CAST: variants seen among roughly 807,000 people sequenced by gnomAD.
The protein encoded by CAST is calpastatin, also known as MIR583 host.
In CAST, 76 loss-of-function variants were observed where a neutral mutation model predicts 119.6. The observed-to-expected ratio is 0.64, with a 90% CI of 0.53 to 0.77. The LOEUF (loss-of-function observed/expected upper bound fraction) is 0.77, where lower values mean the gene tolerates loss of function less well. CAST is among the 30% of genes least tolerant of loss of function. The pLI is 0.00. For synonymous variants in CAST, 319 were observed against 331.6 expected (o/e 0.96, Z 0.41); for missense variants, 953 against 946.5 (o/e 1.01, Z -0.09).
chr5:96,188,291 C>T, the CAST span, among the ~76,000 whole-genome samples: 77,549 of 151,922 alleles, frequency 0.51, 21,198 homozygotes, highest in African/African-American at 0.7. Context: ...ATCTCATTCT[C>T]CTGAGTTAAA....
At chr5:96,138,689 C>T in the CAST span, among the ~76,000 whole-genome samples, 1 of 151,924 alleles carries the variant, frequency 6.6e-6, no homozygotes, top group East Asian at 1.9e-4. Context: ...TGTATATATA[C>T]ATAAGTATTT....
chr5:96,702,307 C>T (rs1754007605), intron 3 of CAST, among the ~76,000 whole-genome samples: 1 of 152,182 alleles, frequency 6.6e-6, no homozygotes, highest in South Asian at 2.1e-4. Flanking sequence ...AGTATAGACT[C>T]ATGAATTTAT....
the CAST span, among the ~76,000 whole-genome samples, chr5:96,154,543 T>G: frequency 3.3e-5 from 5 of 152,200 alleles, no homozygotes; most frequent in East Asian, 9.6e-4. Flanking sequence ...AACTAAAGTC[T>G]ACACTATATC....
chr5:96,606,170 CA>C (rs1226116399), intron 1 of CAST, among the ~76,000 whole-genome samples: 12 of 146,304 alleles, frequency 8.2e-5, no homozygotes, highest in East Asian at 2.0e-4. Context: ...ACAACAACAA[CA>C]AAAAAAAAAC....
In CAST at chr5:96,754,666, C is replaced by T. The variant is rs2150603637; in HGVS notation, c.1635C>T (p.Ala545=). ...KPVMDKVKEK[A]KEEDREKLGE... is the part of the protein sequence containing the mutation. ...GGTATAATTTTTCTCAGGAGAAGGC[C>T]AAAGAAGAAGACCGTGAAAAGCTTG... Residue 545 remains alanine (A), a synonymous_variant, in exon 22 of 32, where the codon GCC becomes GCT. Transcript: ENST00000675179. 1.3e-6 allele frequency: 2 copies of T among 1,598,122 alleles called. No homozygotes were observed. Among genetic ancestry groups the T allele is most frequent in the Non-Finnish European group, 1.7e-6 (2 of 1,169,202 alleles).
chr5:96,288,217 T>G, the CAST span, among the ~76,000 whole-genome samples: 1 of 152,136 alleles, frequency 6.6e-6, no homozygotes, highest in African/African-American at 2.4e-5. Flanking sequence ...TATAAGCAAA[T>G]ACTCTGGAGA....
intron 1 of CAST, among the ~76,000 whole-genome samples, chr5:96,568,635 A>G (rs1254806032): frequency 6.6e-6 from 1 of 151,766 alleles, no homozygotes; most frequent in Admixed American, 6.6e-5. Context: ...AGGGAGTTTA[A>G]GAATATTCTG....
the CAST span, among the ~76,000 whole-genome samples, chr5:96,438,798 C>T: frequency 6.6e-6 from 1 of 152,094 alleles, no homozygotes; most frequent in South Asian, 2.1e-4. Flanking sequence ...AAATTATTGA[C>T]AAACTCATGA....
At chr5:96,623,246 G>A (rs2611713) in intron 1 of CAST, among the ~76,000 whole-genome samples, 109,612 of 152,032 alleles carry the variant, frequency 0.72, 39,911 homozygotes, top group African/African-American at 0.81. Flanking sequence ...AAACTCTAAA[G>A]CACAATAATG....
At chr5:96,669,738 G>A (rs1054196902) in intron 1 of CAST, among the ~76,000 whole-genome samples, 1 of 152,194 alleles carries the variant, frequency 6.6e-6, no homozygotes, top group Non-Finnish European at 1.5e-5. Flanking sequence ...AGCCACCCCA[G>A]TCTGCCTGAC....
At chr5:96,053,734 A>G in the CAST span, among the ~76,000 whole-genome samples, 2 of 152,240 alleles carry the variant, frequency 1.3e-5, no homozygotes, top group African/African-American at 4.8e-5. Flanking sequence ...TCAAAAAAGA[A>G]AATATATCAG....
chr5:96,709,391 T>C (rs575728119), intron 3 of CAST, among the ~76,000 whole-genome samples: 16 of 152,384 alleles, frequency 1.0e-4, no homozygotes, highest in South Asian at 6.2e-4. Context: ...TGAGTCATTC[T>C]GTCTCAGCCT....
At chr5:96,281,207 G>A in the CAST span, among the ~76,000 whole-genome samples, 3 of 152,136 alleles carry the variant, frequency 2.0e-5, no homozygotes, top group African/African-American at 7.2e-5. Context: ...TGTTGTTGTT[G>A]CAAATGACAG....
intron 1 of CAST, among the ~76,000 whole-genome samples, chr5:96,562,910 A>C (rs190328993): frequency 3.0e-4 from 45 of 152,346 alleles, no homozygotes; most frequent in Admixed American, 2.9e-3. Context: ...AGAAAACAGC[A>C]GAAGCAGGAA....
chr5:96,511,725 T>C, the CAST span, among the ~76,000 whole-genome samples: 1 of 152,230 alleles, frequency 6.6e-6, no homozygotes, highest in Non-Finnish European at 1.5e-5. Context: ...AGCTCAACAC[T>C]AGCCTCTGGG....
the CAST span, among the ~76,000 whole-genome samples, chr5:96,337,741 C>G: frequency 8.5e-4 from 129 of 152,348 alleles, no homozygotes; most frequent in African/African-American, 3.0e-3. Context: ...GGGAATCCAG[C>G]AACCTGAACC....
chr5:96,512,391 G>T, the CAST span, among the ~76,000 whole-genome samples: 10 of 152,264 alleles, frequency 6.6e-5, no homozygotes, highest in South Asian at 2.1e-4. Context: ...TCAATCAGTA[G>T]GCCACTTCGG....
intron 1 of CAST, among the ~76,000 whole-genome samples, chr5:96,556,504 A>G (rs142648916): frequency 0.019 from 2,853 of 152,328 alleles, 76 homozygotes; most frequent in African/African-American, 0.066. Context: ...CAATGCAGAG[A>G]AGTCCTTAAA....
chr5:96,328,272 GA>G, the CAST span, among the ~76,000 whole-genome samples: 1 of 152,054 alleles, frequency 6.6e-6, no homozygotes, highest in Non-Finnish European at 1.5e-5. Context: ...AGAAGGCCTG[GA>G]TGAGTGTTTT....
Sources: gnomAD v4.1 joint callset for allele counts (sites outside exome capture counted in the v4.1 genomes callset) on GRCh38, gnomAD v4.1.1 for gene constraint, MANE v1.5 for transcripts, NCBI Gene and HGNC (gene_info 2026-07-23, HGNC 2026-07-21) for gene names.